Variants in CNTNAP3B observed in about 807,000 individuals in gnomAD.
CNTNAP3B encodes the protein contactin associated protein family member 3B.
A neutral mutation model predicts 108.9 loss-of-function variants in CNTNAP3B; 25 were observed. The observed-to-expected ratio is 0.23, with a 90% CI of 0.17 to 0.32. The LOEUF is 0.32. Ranked by LOEUF, CNTNAP3B falls within the 10% of genes least tolerant of loss-of-function variation. The pLI is 1.00. For missense variants in CNTNAP3B, 252 were observed against 1,210.4 expected (o/e 0.21, Z 11.75); for synonymous variants, 103 against 473.4 (o/e 0.22, Z 10.16).
intron 10 of CNTNAP3B, among the ~76,000 whole-genome samples, chr9:41,968,808 T>TC (rs1238732454): frequency 1.2e-3 from 183 of 149,786 alleles, no homozygotes; most frequent in African/African-American, 4.3e-3. Context: ...TAACTTTTTT[T>TC]TTTTTTTTGA....
At chr9:42,055,974 T>A (rs1291688821) in intron 3 of CNTNAP3B, among the ~76,000 whole-genome samples, 1 of 108,370 alleles carries the variant, frequency 9.2e-6, no homozygotes, top group African/African-American at 3.7e-5. Context: ...GCTCATAGAG[T>A]TCTGCGAGGA....
chr9:42,110,220 T>A (rs28478808), intron 1 of CNTNAP3B, among the ~76,000 whole-genome samples: 55,404 of 128,168 alleles, frequency 0.43, 15,833 homozygotes, highest in East Asian at 0.69. Flanking sequence ...TGAAAATACG[T>A]TTAACATCCC....
chr9:41,967,593 G>T (rs1482782594), intron 10 of CNTNAP3B, among the ~76,000 whole-genome samples: 1 of 152,304 alleles, frequency 6.6e-6, no homozygotes, highest in Non-Finnish European at 1.5e-5. Context: ...TTACAGGCCT[G>T]TTTTCAGGAT....
In CNTNAP3B at chr9:42,063,252, G is replaced by A. The variant is rs1827205968; in HGVS notation, c.390+13617C>T. ...GAGTAATGAACTCTTGACTTTGTGT[G>A]TGTGTGTCTCTGCAAAAGTCCTTTT... On this transcript the variant is annotated intron_variant, in intron 3 of 23. Coordinates refer to ENST00000377561, the MANE Select transcript of CNTNAP3B (RefSeq NM_001201380.3). 2.3e-5 allele frequency among the ~76,000 whole-genome samples: 3 copies of A among 128,328 alleles called. 1 individual carries two copies. In the Admixed American group the frequency reaches 2.4e-4, roughly 10 times the overall value. 84.2% of individuals were successfully genotyped at this position (128,328 alleles called of 152,430 possible).
At chr9:41,959,009 A>C (rs1824967321) in intron 12 of CNTNAP3B, among the ~76,000 whole-genome samples, 1 of 140,672 alleles carries the variant, frequency 7.1e-6, no homozygotes, top group African/African-American at 2.8e-5. Flanking sequence ...AATTAAGTTT[A>C]GGTTTTCCTA....
intron 11 of CNTNAP3B, among the ~76,000 whole-genome samples, chr9:41,964,328 TC>T (rs1317178255): frequency 2.0e-5 from 3 of 152,188 alleles, no homozygotes; most frequent in African/African-American, 7.2e-5. Flanking sequence ...TTTCTTTTTT[TC>T]AATCCTATGC....
intron 2 of CNTNAP3B, among the ~76,000 whole-genome samples, chr9:42,082,990 A>G (rs1213379432): frequency 7.2e-6 from 1 of 139,636 alleles, no homozygotes; most frequent in Non-Finnish European, 1.5e-5. Context: ...AAGTGTAAAC[A>G]CATGGAAAAA....
intron 2 of CNTNAP3B, among the ~76,000 whole-genome samples, chr9:42,082,867 G>T (rs1416326966): frequency 7.1e-6 from 1 of 140,932 alleles, no homozygotes; most frequent in Non-Finnish European, 1.5e-5. Context: ...AAGGTAAGTA[G>T]TGCAAACACT....
chr9:42,038,597 G>T (rs1367547196), intron 3 of CNTNAP3B, among the ~76,000 whole-genome samples: 1 of 121,132 alleles, frequency 8.3e-6, no homozygotes, highest in Non-Finnish European at 1.7e-5. Context: ...AAACATATAT[G>T]CACCCAATAC....
Position 42,111,728 on chromosome 9 carries a change from C to T in CNTNAP3B, c.86-6989G>A, listed in dbSNP as rs1367016060. ...GTCCTGAGCCCCCACCCTTATCTTC[C>T]CTCTACAGCCAATAAATTGCCAAGG... On this transcript the variant is annotated intron_variant, in intron 1 of 23. Transcript: ENST00000377561. Among the ~76,000 whole-genome samples the T allele has an allele frequency of 5.8e-5, 8 of 138,568 alleles. 1 individual carries two copies. The highest frequency in any genetic ancestry group is 2.3e-4 in the African/African-American group (8 of 34,792). 90.9% of individuals were successfully genotyped at this position (138,568 alleles called of 152,430 possible).
intron 7 of CNTNAP3B, chr9:41,993,345 A>C (rs1340026124): frequency 8.1e-6 from 1 of 123,988 alleles, no homozygotes; most frequent in Non-Finnish European, 1.7e-5. Context: ...AACATACTTT[A>C]GAAATGGATA....
Position 41,983,981 on chromosome 9 carries a change from G to A in CNTNAP3B, c.1477+2187C>T, listed in dbSNP as rs1825681110. Among the ~76,000 whole-genome samples the A allele has an allele frequency of 2.0e-5, 2 of 99,068 alleles. 1 individual carries two copies. The highest frequency in any genetic ancestry group is 6.0e-4 in the South Asian group (2 of 3,310). The allele number at this position is 99,068 out of a possible 152,430, so 65.0% of individuals were successfully genotyped here. On this transcript the variant is annotated intron_variant, in intron 9 of 23. Transcript: ENST00000377561. ...AGGAGAATGGCGTGAACCTGGCGGTGCAGAGCTTGCAGTGAGCCGAGATCG... is the reference window on the plus strand; with the variant it reads ...AGGAGAATGGCGTGAACCTGGCGGTACAGAGCTTGCAGTGAGCCGAGATCG...
intron 10 of CNTNAP3B, among the ~76,000 whole-genome samples, chr9:41,969,262 C>A (rs1403331770): frequency 2.7e-5 from 4 of 150,152 alleles, no homozygotes; most frequent in Admixed American, 1.3e-4. Context: ...ACTAGCATAA[C>A]TGTGGTTGTA....
intron 15 of CNTNAP3B, among the ~76,000 whole-genome samples, chr9:41,927,684 G>C (rs1354372845): frequency 6.6e-6 from 1 of 151,824 alleles, no homozygotes; most frequent in Non-Finnish European, 1.5e-5. Flanking sequence ...TAAAATAAGA[G>C]CTAAAATATG....
intron 3 of CNTNAP3B, among the ~76,000 whole-genome samples, chr9:42,042,727 T>A (rs1320339323): frequency 1.1e-5 from 1 of 93,228 alleles, no homozygotes; most frequent in Admixed American, 1.1e-4. Flanking sequence ...GGGGGGCTCC[T>A]GGAATGAATC....
At chr9:42,093,763 A>C (rs1827845806) in intron 2 of CNTNAP3B, among the ~76,000 whole-genome samples, 1 of 45,680 alleles carries the variant, frequency 2.2e-5, no homozygotes, top group Admixed American at 2.7e-4. Flanking sequence ...TTGAAAGTTC[A>C]ACTGTGTTAC....
intron 18 of CNTNAP3B, among the ~76,000 whole-genome samples, chr9:41,916,050 T>G (rs1227598526): frequency 4.0e-5 from 6 of 151,598 alleles, no homozygotes; most frequent in East Asian, 1.9e-4. Flanking sequence ...CCCATTATTA[T>G]TTTATATAAT....
chr9:41,986,389 C>A lies in CNTNAP3B; in HGVS notation c.1334-78G>T. 6 of 937,668 alleles carry A rather than the reference C, an allele frequency of 6.4e-6. 1 individual carries two copies. In the South Asian group the frequency reaches 6.6e-5, roughly 10 times the overall value. The allele number at this position is 937,668 out of a possible 1,614,324, so 58.1% of individuals were successfully genotyped here. On this transcript the variant is annotated intron_variant, in intron 8 of 23. Transcript: ENST00000377561. ...CACTTGAAAACAATTTGATTCAGAT[C>A]ACTGAATAAGTCAGAGAAGAGTGGT...
intron 4 of CNTNAP3B, among the ~76,000 whole-genome samples, chr9:42,012,976 G>C (rs1364047260): frequency 1.1e-5 from 1 of 94,926 alleles, no homozygotes; most frequent in South Asian, 3.3e-4. Context: ...AAGAGATTGC[G>C]AGAAATCACA....
Sources: gnomAD v4.1 joint callset for allele counts (sites outside exome capture counted in the v4.1 genomes callset) on GRCh38, gnomAD v4.1.1 for gene constraint, MANE v1.5 for transcripts, NCBI Gene and HGNC (gene_info 2026-07-23, HGNC 2026-07-21) for gene names.